ZSWIM5: variants seen among roughly 807,000 people sequenced by gnomAD.
ZSWIM5 encodes the protein zinc finger SWIM-type containing 5.
Under a neutral mutation model 119.6 loss-of-function variants are expected in ZSWIM5, and 55 were observed. The ratio of observed to expected loss-of-function variants is 0.46; its 90% CI spans 0.37 to 0.58. The LOEUF (loss-of-function observed/expected upper bound fraction) is 0.58, where lower values mean the gene tolerates loss of function less well. Ranked by LOEUF, ZSWIM5 falls within the 20% of genes least tolerant of loss-of-function variation. The pLI, the probability that ZSWIM5 is intolerant of heterozygous loss-of-function variation, is 0.00. For synonymous variants in ZSWIM5, 537 were observed against 606.9 expected (o/e 0.88, Z 1.69); for missense variants, 1,193 against 1,512.8 (o/e 0.79, Z 3.51).
At position 45,058,827 on chromosome 1, in the gene ZSWIM5, G is replaced by T. The variant is rs1645137687; in HGVS notation, c.1102-68C>A. ...CAAAAAAGTAGGAGGAGAAGGAAGT[G>T]GGGGAGGGGGAAGTGAAGATGAAGT... On this transcript the variant is annotated intron_variant, in intron 3 of 13. Coordinates refer to ENST00000359600, the MANE Select transcript of ZSWIM5 (RefSeq NM_020883.2). 28 of 1,571,086 alleles carry T rather than the reference G, an allele frequency of 1.8e-5. 1 individual carries two copies. The South Asian group carries it at 2.6e-4, about 14-fold the overall frequency.
chr1:45,050,348 C>A (rs995429667), intron 5 of ZSWIM5, among the ~76,000 whole-genome samples: 1 of 152,096 alleles, frequency 6.6e-6, no homozygotes, highest in Admixed American at 6.5e-5. Context: ...TAGAGTGAGA[C>A]CTTGTCTCCA....
intron 1 of ZSWIM5, among the ~76,000 whole-genome samples, chr1:45,187,498 C>G (rs531842255): frequency 6.6e-6 from 1 of 151,738 alleles, no homozygotes; most frequent in Non-Finnish European, 1.5e-5. Flanking sequence ...TAGAAGAAAA[C>G]ATGGTAGTAA....
At chr1:45,046,881 A>C (rs1030290395) in intron 5 of ZSWIM5, among the ~76,000 whole-genome samples, 1 of 151,738 alleles carries the variant, frequency 6.6e-6, no homozygotes, top group African/African-American at 2.4e-5. Context: ...AAAATTAGTC[A>C]GGCGTGGTGG....
chr1:45,144,247 G>A (rs963186884), intron 1 of ZSWIM5, among the ~76,000 whole-genome samples: 1 of 152,124 alleles, frequency 6.6e-6, no homozygotes, highest in Admixed American at 6.5e-5. Flanking sequence ...CTATAAAGCA[G>A]CCAGGCATGG....
intron 2 of ZSWIM5, among the ~76,000 whole-genome samples, chr1:45,069,738 C>T (rs1645210234): frequency 6.6e-6 from 1 of 152,144 alleles, no homozygotes; most frequent in Admixed American, 6.5e-5. Flanking sequence ...TGCCACTCAA[C>T]ATCGCTGGCA....
intron 1 of ZSWIM5, among the ~76,000 whole-genome samples, chr1:45,107,303 A>G (rs552785510): frequency 5.3e-5 from 8 of 152,284 alleles, no homozygotes; most frequent in African/African-American, 1.9e-4. Context: ...TGTCTGGAAA[A>G]TTCATTAAAA....
intron 1 of ZSWIM5, among the ~76,000 whole-genome samples, chr1:45,132,727 G>C (rs1349576621): frequency 7.2e-5 from 11 of 151,904 alleles, no homozygotes; most frequent in Admixed American, 5.9e-4. Context: ...CTCGTCATTT[G>C]CATTTGGTAT....
intron 1 of ZSWIM5, among the ~76,000 whole-genome samples, chr1:45,145,351 A>C (rs565310076): frequency 2.0e-5 from 3 of 152,202 alleles, no homozygotes; most frequent in Non-Finnish European, 4.4e-5. Context: ...TTAACAAAAA[A>C]AAAAAAAAAC....
chr1:45,146,812 T>A (rs979335842), intron 1 of ZSWIM5, among the ~76,000 whole-genome samples: 2 of 152,142 alleles, frequency 1.3e-5, no homozygotes, highest in African/African-American at 2.4e-5. Context: ...TACTTTCCTA[T>A]GAATATGCTT....
intron 1 of ZSWIM5, among the ~76,000 whole-genome samples, chr1:45,192,457 C>T (rs1646098410): frequency 6.6e-6 from 1 of 152,092 alleles, no homozygotes; most frequent in Non-Finnish European, 1.5e-5. Context: ...ATTAGGATTT[C>T]CTTCCTTTTC....
Position 45,080,504 on chromosome 1 carries a change from T to G in ZSWIM5, c.952+7377A>C, listed in dbSNP as rs187568588. 2.6e-5 allele frequency among the ~76,000 whole-genome samples: 4 copies of G among 152,254 alleles called. No individual in the cohort carries two copies. The East Asian group carries it at 7.7e-4, about 29-fold the overall frequency. On this transcript the variant is annotated intron_variant, in intron 2 of 13. Coordinates refer to ENST00000359600, the MANE Select transcript of ZSWIM5 (RefSeq NM_020883.2). ...ACACCATGCTATGACTGCTGGGCGATTGGGGAGGTGTGGCACTGGTGATTC... is the reference window on the plus strand; with the variant it reads ...ACACCATGCTATGACTGCTGGGCGAGTGGGGAGGTGTGGCACTGGTGATTC...
At chr1:45,069,701 T>C (rs981910222) in intron 2 of ZSWIM5, among the ~76,000 whole-genome samples, 1 of 152,184 alleles carries the variant, frequency 6.6e-6, no homozygotes, top group African/African-American at 2.4e-5. Flanking sequence ...TATATTTTCT[T>C]TAAGAAATGA....
At chr1:45,160,738 TCTTCTTCC>T (rs1253772094) in intron 1 of ZSWIM5, among the ~76,000 whole-genome samples, 5 of 151,132 alleles carry the variant, frequency 3.3e-5, no homozygotes, top group Non-Finnish European at 7.4e-5. Flanking sequence ...AACTGCAACC[TCTTCTTCC>T]CAGGGTTCAA....
At chr1:45,039,240 A>G (rs1345691895) in intron 7 of ZSWIM5, among the ~76,000 whole-genome samples, 167 bp from the exon 8 acceptor site, 1 of 152,206 alleles carries the variant, frequency 6.6e-6, no homozygotes, top group Non-Finnish European at 1.5e-5. Context: ...CATACCAGCC[A>G]GCTATAAGGT....
intron 1 of ZSWIM5, among the ~76,000 whole-genome samples, chr1:45,138,755 A>G (rs777134399): frequency 2.6e-5 from 4 of 152,108 alleles, no homozygotes; most frequent in Non-Finnish European, 5.9e-5. Context: ...GAAGGTTCCA[A>G]CCCACTAATC....
At chr1:45,195,572 C>T (rs1048290444) in intron 1 of ZSWIM5, among the ~76,000 whole-genome samples, 7 of 151,870 alleles carry the variant, frequency 4.6e-5, no homozygotes, top group African/African-American at 1.7e-4. Context: ...AATGGGTGAA[C>T]AAACATGAAG....
intron 1 of ZSWIM5, among the ~76,000 whole-genome samples, chr1:45,181,040 A>G (rs896341664): frequency 6.6e-6 from 1 of 152,172 alleles, no homozygotes; most frequent in African/African-American, 2.4e-5. Context: ...TCCTCCTCCA[A>G]AGGAACACAG....
rs754577245 is a variant in ZSWIM5 at position 45,087,898 on chromosome 1, T to G, written c.935A>C (p.Glu312Ala). The G allele has an allele frequency of 1.9e-6, 3 of 1,605,502 alleles. No homozygotes were observed. The highest frequency in any genetic ancestry group is 2.6e-6 in the Non-Finnish European group (3 of 1,175,612). ...ACAATTACCATTCACTTGGTTGATT[T>G]CTGAGTTGGAGGATAGAATCTCATC... Reference protein sequence around the residue: ...LADEILSSNSEINQVNGAPDP... With the variant: ...LADEILSSNSAINQVNGAPDP... The change falls in exon 2 of 14, where the codon GAA becomes GCA. Residue 312 changes from glutamate to alanine, a missense_variant. This residue lies in a region of ZSWIM5 where 961 missense variants were observed against 1,290.0 expected (regional missense o/e 0.74). Coordinates refer to ENST00000359600, the MANE Select transcript of ZSWIM5 (RefSeq NM_020883.2).
chr1:45,180,639 T>A (rs1233352812), intron 1 of ZSWIM5, among the ~76,000 whole-genome samples: 1 of 152,060 alleles, frequency 6.6e-6, no homozygotes, highest in African/African-American at 2.4e-5. Flanking sequence ...CTCAAGTGGG[T>A]CCCTGATCCC....
Sources: allele counts gnomAD v4.1 joint callset (sites outside exome capture counted in the v4.1 genomes callset), GRCh38; gene constraint gnomAD v4.1.1; regional missense constraint gnomAD v4.1.1; transcripts MANE v1.5; gene names NCBI Gene and HGNC (gene_info 2026-07-23, HGNC 2026-07-21).